The following CEP295NL variants were observed in gnomAD, a reference collection of about 807,000 sequenced individuals.
The protein encoded by CEP295NL is CEP295 N-terminal like.
A neutral mutation model predicts 4.6 loss-of-function variants in CEP295NL; 3 were observed. That is an observed-to-expected ratio of 0.65 (90% CI 0.30 to 1.69). The LOEUF is 1.69. Among genes scored for constraint, CEP295NL ranks in the 40% most tolerant of loss-of-function variants. CEP295NL has a pLI of 0.10. For synonymous variants in CEP295NL, 295 were observed against 312.2 expected (o/e 0.94, Z 0.58); for missense variants, 719 against 769.0 (o/e 0.93, Z 0.77).
chr17:78,902,890 A>G (rs1028155137), intron 1 of CEP295NL: 1 of 152,120 alleles, frequency 6.6e-6, no homozygotes, highest in African/African-American at 2.4e-5. Flanking sequence ...TTCATCTCCA[A>G]CCCAGTCCCA....
rs1000514931 is a variant in CEP295NL, at chr17:78,896,569, G to C, written c.45-4110C>G. Among the ~76,000 whole-genome samples, 1 of 152,146 alleles carries C rather than the reference G, an allele frequency of 6.6e-6. No homozygotes were observed. The highest frequency in any genetic ancestry group is 1.5e-5 in the Non-Finnish European group (1 of 68,024). On this transcript the variant is annotated intron_variant, in intron 2 of 2. Coordinates refer to ENST00000322630, the MANE Select transcript of CEP295NL (RefSeq NM_001243540.2). This position sits in a 1 kb window ranked among gnomAD's most constrained non-coding sequence, Gnocchi z 4.4. ...CCTCTGTCCTCCACATCCTCTGAGT[G>C]TTCTGAGCATCCTGGGCTGCTTTGG...
intron 2 of CEP295NL, among the ~76,000 whole-genome samples, chr17:78,895,004 G>C (rs1253569844): frequency 6.6e-6 from 1 of 152,188 alleles, no homozygotes; most frequent in African/African-American, 2.4e-5. Flanking sequence ...AAGAAGGACA[G>C]GTGTGGCAGC....
Position 78,896,856 on chromosome 17 carries a change from A to G in CEP295NL, c.45-4397T>C, listed in dbSNP as rs115237873. ...GTGGCCCCAGCGCAGGAGCCAGCCC[A>G]TGGCAGCTCCACCCCAGACCGATCC... On this transcript the variant is annotated intron_variant, in intron 2 of 2. Coordinates refer to ENST00000322630, the MANE Select transcript of CEP295NL (RefSeq NM_001243540.2). This position sits in a 1 kb window ranked among gnomAD's most constrained non-coding sequence, Gnocchi z 4.4. 3,116 of 906,414 alleles carry G rather than the reference A, an allele frequency of 3.4e-3. 62 individuals are homozygous for G. In the East Asian group the frequency reaches 0.05, roughly 15 times the overall value. 56.1% of individuals were successfully genotyped at this position (906,414 alleles called of 1,614,324 possible).
rs1370177119 is a variant in CEP295NL at position 78,891,527 on chromosome 17, G to A, written c.977C>T (p.Ala326Val). ...SSCRREAVSP[A>V]SQCTLREKNK... ...CTTCTCCCGGAGCGTGCACTGAGAT[G>A]CTGGGGACACGGCTTCCCTTCTGCA... The change falls in exon 3 of 3, where the codon GCA (alanine) becomes GTA (valine). Residue 326 changes from alanine to valine, a missense_variant. Physicochemically the swap from Ala to Val is moderately conservative, Grantham distance 64 (BLOSUM62 0). Coordinates refer to ENST00000322630, the MANE Select transcript of CEP295NL (RefSeq NM_001243540.2). This position sits in a 1 kb window ranked among gnomAD's most constrained non-coding sequence, Gnocchi z 4.5. 3.2e-6 allele frequency: 5 copies of A among 1,551,116 alleles called. No individual in the cohort carries two copies. The South Asian group carries it at 4.8e-5, about 15-fold the overall frequency.
rs1334896727 is a variant in CEP295NL at position 78,896,406 on chromosome 17, C to T, written c.45-3947G>A. 2.0e-5 allele frequency among the ~76,000 whole-genome samples: 3 copies of T among 152,212 alleles called. No individual in the cohort carries two copies. The highest frequency in any genetic ancestry group is 2.9e-5 in the Non-Finnish European group (2 of 68,046). On this transcript the variant is annotated intron_variant, in intron 2 of 2. Coordinates refer to ENST00000322630, the MANE Select transcript of CEP295NL (RefSeq NM_001243540.2). This position sits in a 1 kb window ranked among gnomAD's most constrained non-coding sequence, Gnocchi z 4.4. ...TCTCCAGCCCTGCCAGACAGGACGT[C>T]GGGTGCCCTTGGCAGGACACTTGCC...
chr17:78,894,881 C>T lies in CEP295NL; in HGVS notation c.45-2422G>A, dbSNP rs967855666. On this transcript the variant is annotated intron_variant, in intron 2 of 2. Transcript: ENST00000322630. ...GTAAAGTGAAAATACAAGGTACGGA[C>T]TGGAAGGAAATATTTGCAAATCATA... Among the ~76,000 whole-genome samples the T allele has an allele frequency of 7.2e-5, 11 of 152,058 alleles. No individual in the cohort carries two copies. In the East Asian group the frequency reaches 1.9e-3, roughly 27 times the overall value.
Position 78,891,652 on chromosome 17 carries a change from C to G in CEP295NL, c.852G>C (p.Gly284=). 1 of 1,550,990 alleles carries G rather than the reference C, an allele frequency of 6.4e-7. No homozygotes were observed. The highest frequency in any genetic ancestry group is 8.7e-7 in the Non-Finnish European group (1 of 1,147,100). Residue 284 remains glycine (G), a synonymous_variant, in exon 3 of 3, where the codon GGG becomes GGC. Coordinates refer to ENST00000322630, the MANE Select transcript of CEP295NL (RefSeq NM_001243540.2). This position sits in a 1 kb window ranked among gnomAD's most constrained non-coding sequence, Gnocchi z 4.5. ...TCAGGGCTGGAACAAAGCAAACTGC[C>G]CCCTTTCCCAGTTGCCTCCTCCCCG... ...ARAGRRQLGK[G]AVCFVPALTS...
Position 78,892,138 on chromosome 17 carries a change from C to T in CEP295NL, c.366G>A (p.Gln122=), listed in dbSNP as rs1357426491. Reference sequence around the variant, plus strand: ...TGTCCAGGCCACCGACGTGCAGGTGCTGTGCCTCCTGATACCCTCTCCTCA... The same window carrying T: ...TGTCCAGGCCACCGACGTGCAGGTGTTGTGCCTCCTGATACCCTCTCCTCA... ...EELRRGYQEA[Q]HLHVGGLDRL... Residue 122 remains glutamine (Q), a synonymous_variant, in exon 3 of 3, where the codon CAG becomes CAA. Transcript: ENST00000322630. 1.9e-6 allele frequency: 3 copies of T among 1,550,906 alleles called. No individual in the cohort carries two copies. The highest frequency in any genetic ancestry group is 2.6e-6 in the Non-Finnish European group (3 of 1,147,120).
chr17:78,891,170 T>C lies in CEP295NL; in HGVS notation c.1334A>G (p.Asn445Ser), dbSNP rs73395167. ...CTCGGGAGACAATGTTTGACTTCCA[T>C]TTCTAAACGTGGGCTTGACCGTGCC... Reference protein sequence around the residue: ...YQGTVKPTFRNGSQTLSPEAG... With the variant: ...YQGTVKPTFRSGSQTLSPEAG... Residue 445 changes from asparagine (N) to serine (S), a missense_variant, in exon 3 of 3, where the codon AAT becomes AGT. Physicochemically the swap from Asn to Ser is conservative, Grantham distance 46 (BLOSUM62 1). Coordinates refer to ENST00000322630, the MANE Select transcript of CEP295NL (RefSeq NM_001243540.2). This position sits in a 1 kb window ranked among gnomAD's most constrained non-coding sequence, Gnocchi z 4.5. 1,883 of 1,550,658 alleles carry C rather than the reference T, an allele frequency of 1.2e-3. 26 individuals are homozygous for C. In the African/African-American group the frequency reaches 0.024, roughly 20 times the overall value.
intron 2 of CEP295NL, 111 bp from the exon 3 acceptor site, chr17:78,892,570 T>TG (rs1232665934): frequency 6.9e-7 from 1 of 1,447,388 alleles, no homozygotes; most frequent in Non-Finnish European, 9.1e-7. Flanking sequence ...CTGCAAAATG[T>TG]GCCCCTCCAA....
chr17:78,895,241 A>G (rs771689003), intron 2 of CEP295NL, among the ~76,000 whole-genome samples: 2 of 152,234 alleles, frequency 1.3e-5, no homozygotes, highest in Non-Finnish European at 2.9e-5. Flanking sequence ...AGATTGCACC[A>G]TTGCACTCCA....
At chr17:78,893,272 TAGGGGTGTGCGGGCAAGGGTGTGTGTGC>T (rs1225576415) in intron 2 of CEP295NL, among the ~76,000 whole-genome samples, 7 of 124,990 alleles carry the variant, frequency 5.6e-5, no homozygotes, top group Admixed American at 2.3e-4. Context: ...GGTGTGTGTG[TAGGGGTGTGCGGGCAAGGGTGTGTGTGC>T]AGGGGTGTAT....
intron 2 of CEP295NL, chr17:78,897,996 T>C (rs1599166666): frequency 6.6e-6 from 1 of 152,136 alleles, no homozygotes; most frequent in Non-Finnish European, 1.5e-5. Flanking sequence ...CATGACACCA[T>C]CGGATGCAAC....
At chr17:78,892,731 T>C (rs1221998318) in intron 2 of CEP295NL, among the ~76,000 whole-genome samples, 1 of 152,158 alleles carries the variant, frequency 6.6e-6, no homozygotes, top group East Asian at 1.9e-4. Context: ...ACATTTTCTA[T>C]TGTCACAAAT....
In CEP295NL at chr17:78,891,657, TTCCCA is replaced by T; in HGVS notation, c.842_846del (p.Leu281GlnfsTer33). The T allele has an allele frequency of 6.4e-7, 1 of 1,550,980 alleles. No homozygotes were observed. The highest frequency in any genetic ancestry group is 8.7e-7 in the Non-Finnish European group (1 of 1,147,106). ...GCTGGAACAAAGCAAACTGCCCCCTTTCCCAGTTGCCTCCTCCCCGCCCGAGCTGT... is the reference window on the plus strand; with the variant it reads ...GCTGGAACAAAGCAAACTGCCCCCTTGTTGCCTCCTCCCCGCCCGAGCTGT... On this transcript the variant is annotated frameshift_variant, in exon 3 of 3. Transcript: ENST00000322630. LOFTEE classifies it low-confidence loss of function (END_TRUNC). The surrounding 1 kb of genome is among the most constrained non-coding windows in gnomAD (Gnocchi z 4.5).
In CEP295NL at chr17:78,896,703, A is replaced by C. The variant is rs1457302933; in HGVS notation, c.45-4244T>G. Among the ~76,000 whole-genome samples the C allele has an allele frequency of 6.6e-6, 1 of 152,100 alleles. No individual in the cohort carries two copies. Among genetic ancestry groups the C allele is most frequent in the Non-Finnish European group, 1.5e-5 (1 of 68,012 alleles). ...GAGAAACCACAGCTCCCCCCTCCGC[A>C]GAAGCCGCGCTCGGAGCAGCAGAAG... On this transcript the variant is annotated intron_variant, in intron 2 of 2. Coordinates refer to ENST00000322630, the MANE Select transcript of CEP295NL (RefSeq NM_001243540.2). This position sits in a 1 kb window ranked among gnomAD's most constrained non-coding sequence, Gnocchi z 4.4.
intron 2 of CEP295NL, among the ~76,000 whole-genome samples, chr17:78,893,460 GGT>G (rs2069948746): frequency 2.1e-5 from 3 of 144,462 alleles, no homozygotes; most frequent in East Asian, 2.1e-4. Context: ...TGTGTGCAGG[GGT>G]GTGTGTGCAT....
chr17:78,891,241 G>A lies in CEP295NL; in HGVS notation c.1263C>T (p.Thr421=), dbSNP rs770707790. 4.7e-4 allele frequency: 728 copies of A among 1,550,620 alleles called. No individual in the cohort carries two copies. Among genetic ancestry groups the A allele is most frequent in the Non-Finnish European group, 5.3e-4 (610 of 1,147,008 alleles). Residue 421 remains threonine (T), a synonymous_variant, in exon 3 of 3, where the codon ACC becomes ACT. Transcript: ENST00000322630. The surrounding 1 kb of genome is among the most constrained non-coding windows in gnomAD (Gnocchi z 4.5). ...EEEAQQAASK[T]DLKTFMGKAQ... ...CCTTGCCCATGAACGTTTTCAAGTC[G>A]GTCTTGGACGCTGCCTGCTGCGCCT...
At chr17:78,899,808 C>G (rs1317082382) in intron 2 of CEP295NL, 1 of 152,306 alleles carries the variant, frequency 6.6e-6, no homozygotes, top group Non-Finnish European at 1.5e-5. Context: ...CCCCAGGATG[C>G]CCCAACCCTC....
Sources: gnomAD v4.1 joint callset for allele counts (sites outside exome capture counted in the v4.1 genomes callset) on GRCh38, gnomAD v4.1.1 for gene constraint, Gnocchi (gnomAD v3.1) non-coding constraint, MANE v1.5 for transcripts, NCBI Gene and HGNC (gene_info 2026-07-23, HGNC 2026-07-21) for gene names.